Variants in CNNM1 observed in about 807,000 individuals in gnomAD.
The protein encoded by CNNM1 is cyclin and CBS domain divalent metal cation transport mediator 1.
In CNNM1, 44 loss-of-function variants were observed where a neutral mutation model predicts 78.8. The ratio of observed to expected loss-of-function variants is 0.56; its 90% CI spans 0.44 to 0.72. The LOEUF is 0.72. Ranked by LOEUF, CNNM1 falls within the 30% of genes least tolerant of loss-of-function variation. The pLI, the probability that CNNM1 is intolerant of heterozygous loss-of-function variation, is 0.00. For missense variants in CNNM1, 1,101 were observed against 1,292.2 expected (o/e 0.85, Z 2.27); for synonymous variants, 584 against 581.5 (o/e 1.00, Z -0.06).
At chr10:99,350,820 G>A (rs1250994138) in intron 1 of CNNM1, among the ~76,000 whole-genome samples, 1 of 151,904 alleles carries the variant, frequency 6.6e-6, no homozygotes, top group African/African-American at 2.4e-5. Flanking sequence ...AATAGGCCAG[G>A]GCTTTCGACC....
rs2031695760 is a variant in CNNM1 at position 99,368,523 on chromosome 10, C to T, written c.2176+3521C>T. ...ATGTGATGTTGTGAAGATCCAGGAA[C>T]AGACTGTCTCACCCACTTTGTTCTT... is the stretch of plus-strand genomic sequence containing the variant. On this transcript the variant is annotated intron_variant, in intron 6 of 10. Coordinates refer to ENST00000356713, the MANE Select transcript of CNNM1 (RefSeq NM_020348.3). 5 of 688,626 alleles carry T rather than the reference C, an allele frequency of 7.3e-6. No homozygotes were observed. The South Asian group carries it at 7.4e-5, about 10-fold the overall frequency. 42.7% of individuals were successfully genotyped at this position (688,626 alleles called of 1,614,324 possible). A position where few individuals can be genotyped will look rare whatever the true frequency, so the allele number is the denominator to read the frequency against.
intron 6 of CNNM1, 57 bp from the exon 7 acceptor site, chr10:99,376,998 C>A (rs1372066674): frequency 1.4e-5 from 18 of 1,272,366 alleles, no homozygotes; most frequent in South Asian, 1.2e-4. Context: ...CCTCCCTCCC[C>A]CTTCTTCCTC....
rs531567974 is a variant in CNNM1, at chr10:99,331,854, G to A, written c.1573+894G>A. 7.2e-5 allele frequency among the ~76,000 whole-genome samples: 11 copies of A among 152,274 alleles called. No individual in the cohort carries two copies. In the East Asian group the frequency reaches 2.1e-3, roughly 29 times the overall value. ...CTGAAGAAATATTCTGGGTAGAGGA[G>A]ATCCTAGAAAACTTGCATACCCAAA... is the stretch of plus-strand genomic sequence containing the variant. On this transcript the variant is annotated intron_variant, in intron 1 of 10. Coordinates refer to ENST00000356713, the MANE Select transcript of CNNM1 (RefSeq NM_020348.3).
chr10:99,370,862 G>A (rs1216061425), intron 6 of CNNM1, among the ~76,000 whole-genome samples: 1 of 152,198 alleles, frequency 6.6e-6, no homozygotes, highest in Admixed American at 6.5e-5. Flanking sequence ...GATTAGTAGG[G>A]TCTTGAAGTC....
rs747376389 is a variant in CNNM1 at position 99,390,379 on chromosome 10, C to T, written c.2748C>T (p.Asn916=). 22 of 1,612,612 alleles carry T rather than the reference C, an allele frequency of 1.4e-5. No homozygotes were observed. The highest frequency in any genetic ancestry group is 3.3e-5 in the South Asian group (3 of 90,626). Residue 916 remains asparagine, a synonymous_variant, in exon 10 of 11, where the codon AAC becomes AAT. Coordinates refer to ENST00000356713, the MANE Select transcript of CNNM1 (RefSeq NM_020348.3). Reference sequence around the variant, plus strand: ...CCTGCAGTAGCGATTTTGAGGAAAACGTGGGCAAGAAGCTGCTGAGAACCT... The same window carrying T: ...CCTGCAGTAGCGATTTTGAGGAAAATGTGGGCAAGAAGCTGCTGAGAACCT... The part of the protein sequence containing the change: ...TSPCSSDFEE[N]VGKKLLRTLS...
chr10:99,386,558 G>A (rs903668530), intron 7 of CNNM1, among the ~76,000 whole-genome samples: 7 of 152,212 alleles, frequency 4.6e-5, no homozygotes, highest in Non-Finnish European at 8.8e-5. Context: ...AAAAAGGCAC[G>A]TATTCTTAAC....
Position 99,391,420 on chromosome 10 carries a change from CA to C in CNNM1, c.2777-15del. 1.2e-6 allele frequency: 2 copies of C among 1,606,450 alleles called. No individual in the cohort carries two copies. The highest frequency in any genetic ancestry group is 1.7e-6 in the Non-Finnish European group (2 of 1,173,442). Reference sequence around the variant, plus strand: ...CTCCAGTGTTACAGGCTGATACTTGCAACTTGTTTTTTTCAGGTGGCCAAAA... The same window carrying C: ...CTCCAGTGTTACAGGCTGATACTTGCACTTGTTTTTTTCAGGTGGCCAAAA... On this transcript the variant is annotated splice_polypyrimidine_tract_variant and intron_variant, in intron 10 of 10. Transcript: ENST00000356713.
rs2032484724 is a variant in CNNM1, at chr10:99,391,955, T to A, written c.*439T>A. The A allele has an allele frequency of 6.3e-6, 1 of 159,868 alleles. No homozygotes were observed. The highest frequency in any genetic ancestry group is 3.0e-3 in the Middle Eastern group (1 of 332). 9.9% of individuals were successfully genotyped at this position (159,868 alleles called of 1,614,324 possible). A position where few individuals can be genotyped will look rare whatever the true frequency, so the allele number is the denominator to read the frequency against. Reference sequence around the variant, plus strand: ...TAACACATTTCATGCATAGCTTGGCTCAGAAGGTGCCATTGGCAGACAGGC... The same window carrying A: ...TAACACATTTCATGCATAGCTTGGCACAGAAGGTGCCATTGGCAGACAGGC... On this transcript the variant is annotated 3_prime_UTR_variant, in exon 11 of 11. Coordinates refer to ENST00000356713, the MANE Select transcript of CNNM1 (RefSeq NM_020348.3).
At chr10:99,332,224 A>T (rs1170768732) in intron 1 of CNNM1, among the ~76,000 whole-genome samples, 1 of 152,230 alleles carries the variant, frequency 6.6e-6, no homozygotes. Flanking sequence ...GAAAACAGGG[A>T]CATAATTAGA....
chr10:99,389,416 CAAAAAAA>C (rs56180037), intron 9 of CNNM1, among the ~76,000 whole-genome samples: 2 of 84,022 alleles, frequency 2.4e-5, no homozygotes, highest in African/African-American at 4.5e-5. Context: ...GATTCCATCT[CAAAAAAA>C]AAAAAAAAAA....
Position 99,330,174 on chromosome 10 carries a change from G to T in CNNM1, c.787G>T (p.Ala263Ser). Residue 263 changes from alanine (A) to serine (S), a missense_variant, in exon 1 of 11, where the codon GCC (alanine) becomes TCC (serine). This residue lies in a region of CNNM1 where 476 missense variants were observed against 484.5 expected (regional missense o/e 0.98). Coordinates refer to ENST00000356713, the MANE Select transcript of CNNM1 (RefSeq NM_020348.3). ...ACGGGTGCTGCGGAACAGCGGCTCG[G>T]CCGCCGAGCAGGAGCAGGCGCGCCG... ...ELRVLRNSGS[A>S]AEQEQARRVQ... 1 of 1,518,700 alleles carries T rather than the reference G, an allele frequency of 6.6e-7. No homozygotes were observed. Among genetic ancestry groups the T allele is most frequent in the Non-Finnish European group, 8.8e-7 (1 of 1,138,530 alleles). The allele number at this position is 1,518,700 out of a possible 1,614,324, so 94.1% of individuals were successfully genotyped here.
intron 10 of CNNM1, among the ~76,000 whole-genome samples, chr10:99,391,146 G>A (rs1243460503): frequency 6.6e-6 from 1 of 152,268 alleles, no homozygotes; most frequent in Non-Finnish European, 1.5e-5. Context: ...GCATGGGCCT[G>A]AGGTGTTACA....
Position 99,392,947 on chromosome 10 carries a change from G to A in CNNM1, c.*1431G>A, listed in dbSNP as rs1358243909. The A allele has an allele frequency of 2.0e-5, 3 of 149,242 alleles. No homozygotes were observed. Among genetic ancestry groups the A allele is most frequent in the African/African-American group, 7.4e-5 (3 of 40,568 alleles). The allele number at this position is 149,242 out of a possible 1,614,324, so 9.2% of individuals were successfully genotyped here. On this transcript the variant is annotated 3_prime_UTR_variant, in exon 11 of 11. Transcript: ENST00000356713. ...CACTTCATCCTAGGCAACAGAGCGA[G>A]ACTCTGTCTCCCCCCGCAAAAAAAA...
rs529733218 is a variant in CNNM1 at position 99,389,762 on chromosome 10, A to G, written c.2675-544A>G. ...AGCCTCATGGCTTCAGTGCAGTGCC[A>G]TTTCCAACACACCGCTCTGCCTTAG... is the stretch of plus-strand genomic sequence containing the variant. On this transcript the variant is annotated intron_variant, in intron 9 of 10. Transcript: ENST00000356713. 3.4e-4 allele frequency among the ~76,000 whole-genome samples: 52 copies of G among 152,244 alleles called. 1 individual carries two copies. The highest frequency in any genetic ancestry group is 8.7e-4 in the African/African-American group (36 of 41,530).
At chr10:99,342,697 T>A (rs2030508009) in intron 1 of CNNM1, among the ~76,000 whole-genome samples, 1 of 151,936 alleles carries the variant, frequency 6.6e-6, no homozygotes, top group African/African-American at 2.4e-5. Context: ...ACAACAAAAA[T>A]CTAGTATGTG....
chr10:99,393,833 A>T lies in CNNM1; in HGVS notation c.*2317A>T, dbSNP rs7914408. On this transcript the variant is annotated 3_prime_UTR_variant, in exon 11 of 11. Coordinates refer to ENST00000356713, the MANE Select transcript of CNNM1 (RefSeq NM_020348.3). ...GAAGTAAAGACTTTGGAGCTAGAGA[A>T]GCCTTTTCCAGCAATGATTATTGAC... 132,625 of 152,256 alleles carry T rather than the reference A, an allele frequency of 0.87. 57,931 individuals carry two copies. The highest frequency in any genetic ancestry group is 0.9 in the Non-Finnish European group (61,368 of 68,074). The allele number at this position is 152,256 out of a possible 1,614,324, so 9.4% of individuals were successfully genotyped here. A position where few individuals can be genotyped will look rare whatever the true frequency, so the allele number is the denominator to read the frequency against.
chr10:99,356,601 AAAGAAAAG>A (rs1564947346), intron 1 of CNNM1, among the ~76,000 whole-genome samples: 85 of 99,586 alleles, frequency 8.5e-4, no homozygotes, highest in African/African-American at 3.7e-3. Context: ...AGAAAGAAAG[AAAGAAAAG>A]AAAGAAAGAA....
chr10:99,330,315 G>T lies in CNNM1; in HGVS notation c.928G>T (p.Gly310Trp). 6.3e-7 allele frequency: 1 copy of T among 1,593,372 alleles called. No individual in the cohort carries two copies. Among genetic ancestry groups the T allele is most frequent in the Non-Finnish European group, 8.5e-7 (1 of 1,170,646 alleles). Residue 310 changes from glycine (G) to tryptophan (W), a missense_variant, in exon 1 of 11, where the codon GGG (glycine) becomes TGG (tryptophan). Gly to Trp is a radical substitution (Grantham distance 184). This residue lies in a region of CNNM1 where 476 missense variants were observed against 484.5 expected (regional missense o/e 0.98). Transcript: ENST00000356713. ...WLYTSLPPGF[G>W]GTGEDYSEEG... ...GTACACCTCGCTGCCGCCGGGCTTC[G>T]GGGGCACCGGGGAAGACTACAGCGA...
Position 99,385,004 on chromosome 10 carries a change from T to A in CNNM1, c.2341-2816T>A, listed in dbSNP as rs150161794. ...ATTGCTTGAATCTGGGAGGCAAAGGTTGCACCACTGCACTCCAGCCTGGGC... is the reference window on the plus strand; with the variant it reads ...ATTGCTTGAATCTGGGAGGCAAAGGATGCACCACTGCACTCCAGCCTGGGC... On this transcript the variant is annotated intron_variant, in intron 7 of 10. Coordinates refer to ENST00000356713, the MANE Select transcript of CNNM1 (RefSeq NM_020348.3). 3.5e-3 allele frequency among the ~76,000 whole-genome samples: 523 copies of A among 151,238 alleles called. 6 individuals are homozygous for A. The highest frequency in any genetic ancestry group is 0.012 in the African/African-American group (498 of 41,116).
Sources: gnomAD v4.1 joint callset for allele counts (sites outside exome capture counted in the v4.1 genomes callset) on GRCh38, gnomAD v4.1.1 for gene constraint, gnomAD v4.1.1 regional missense constraint, MANE v1.5 for transcripts, NCBI Gene and HGNC (gene_info 2026-07-23, HGNC 2026-07-21) for gene names.